TRIO: variants seen among roughly 807,000 people sequenced by gnomAD.
TRIO encodes the protein triple functional domain protein.
In TRIO, 58 loss-of-function variants were observed where a neutral mutation model predicts 351.9. That is an observed-to-expected ratio of 0.16 (90% CI 0.13 to 0.21). The LOEUF (loss-of-function observed/expected upper bound fraction) is 0.21. Ranked by LOEUF, TRIO falls within the 10% of genes least tolerant of loss-of-function variation. The probability of loss-of-function intolerance (pLI) is 1.00; values close to 1 mark genes in which losing one functional copy is unlikely to be tolerated. For missense variants in TRIO, 3,201 were observed against 4,027.8 expected, an observed-to-expected ratio of 0.79 and a Z score of 5.56; for synonymous variants, 1,758 against 1,595.7, an observed-to-expected ratio of 1.10 and a Z score of -2.42.
In TRIO at chr5:14,443,498, T is replaced by C. The variant is rs557470303; in HGVS notation, c.5204-17521T>C. ...CACATTTTAAAAGGAAGAATGATTC[T>C]GGGTAATATCCAAGAAATAAATCCC... On this transcript the variant is annotated intron_variant, in intron 34 of 56. Coordinates refer to ENST00000344204, the MANE Select transcript of TRIO (RefSeq NM_007118.4). Among the ~76,000 whole-genome samples the C allele has an allele frequency of 5.3e-5, 8 of 152,366 alleles. No homozygotes were observed. In the South Asian group the frequency reaches 1.2e-3, roughly 24 times the overall value.
intron 1 of TRIO, among the ~76,000 whole-genome samples, chr5:14,242,824 T>C (rs1190829438): frequency 6.6e-6 from 1 of 152,228 alleles, no homozygotes; most frequent in Non-Finnish European, 1.5e-5. Context: ...ATTTGATTGC[T>C]CCAAGTCAGC....
At chr5:14,371,671 T>C (rs1039868071) in intron 18 of TRIO, among the ~76,000 whole-genome samples, 12 of 151,892 alleles carry the variant, frequency 7.9e-5, no homozygotes, top group African/African-American at 2.9e-4. Context: ...GACAGGGTCT[T>C]GCCTTGTCAA....
At chr5:14,174,430 T>C (rs1789286870) in intron 1 of TRIO, among the ~76,000 whole-genome samples, 1 of 152,090 alleles carries the variant, frequency 6.6e-6, no homozygotes, top group South Asian at 2.1e-4. Context: ...TCCCTAGGGG[T>C]CGGCTTTATG....
chr5:14,198,364 C>A (rs115493359), intron 1 of TRIO, among the ~76,000 whole-genome samples: 1 of 152,138 alleles, frequency 6.6e-6, no homozygotes, highest in African/African-American at 2.4e-5. Flanking sequence ...CCCTTGTGCC[C>A]TGCTCTCTGC....
chr5:14,199,207 A>AAAC (rs1404916746), intron 1 of TRIO, among the ~76,000 whole-genome samples: 3 of 151,138 alleles, frequency 2.0e-5, no homozygotes, highest in Admixed American at 2.0e-4. Context: ...AAAAAAAAAA[A>AAAC]AAAAAAAAAA....
rs1278974430 is a variant in TRIO, at chr5:14,143,482, C to T, written c.-244C>T. ...CGCGCTCCGGCCGGCGCCCGGGAGG[C>T]CGTGGCTCCGCGCCTCCGCCCCTCG... is the stretch of plus-strand genomic sequence containing the variant. On this transcript the variant is annotated 5_prime_UTR_variant, in exon 1 of 57. Transcript: ENST00000344204. Among the ~76,000 whole-genome samples, 1 of 148,162 alleles carries T rather than the reference C, an allele frequency of 6.7e-6. No individual in the cohort carries two copies. The highest frequency in any genetic ancestry group is 1.5e-5 in the Non-Finnish European group (1 of 66,560).
chr5:14,220,612 CA>C (rs1230125496), intron 1 of TRIO, among the ~76,000 whole-genome samples: 1 of 152,068 alleles, frequency 6.6e-6, no homozygotes. Context: ...AGTGAACACA[CA>C]AATGATAAGA....
At chr5:14,498,006 C>A in intron 51 of TRIO, 83 bp from the exon 52 acceptor site, 1 of 1,610,578 alleles carries the variant, frequency 6.2e-7, no homozygotes, top group Non-Finnish European at 8.5e-7. Flanking sequence ...AGGTTAGGTC[C>A]TATCAATCTG....
chr5:14,172,096 A>G (rs1347882729), intron 1 of TRIO, among the ~76,000 whole-genome samples: 2 of 152,146 alleles, frequency 1.3e-5, no homozygotes, highest in African/African-American at 2.4e-5. Context: ...CTCTCTTTCT[A>G]TCTTTTATAT....
intron 48 of TRIO, chr5:14,490,905 A>T (rs1025399022): frequency 4.0e-5 from 18 of 454,436 alleles, no homozygotes; most frequent in African/African-American, 3.2e-4. Flanking sequence ...AGAATACTAA[A>T]GTCCATGCTA....
intron 9 of TRIO, among the ~76,000 whole-genome samples, chr5:14,329,824 C>T (rs1740744541): frequency 1.3e-5 from 2 of 152,210 alleles, no homozygotes; most frequent in Non-Finnish European, 2.9e-5. Context: ...AGTTGTCCCT[C>T]AGTGTCTGCA....
intron 1 of TRIO, among the ~76,000 whole-genome samples, chr5:14,183,063 G>A (rs1789891980): frequency 6.6e-6 from 1 of 152,190 alleles, no homozygotes; most frequent in South Asian, 2.1e-4. Flanking sequence ...CTAGGATGGG[G>A]CCAGCTGCTC....
In TRIO at chr5:14,291,158, T is replaced by A; in HGVS notation, c.983T>A (p.Met328Lys). ...LHSTRQHLHQ[M>K]WHVRKLKLDQ... Reference sequence around the variant, plus strand: ...TCGACACGGCAGCATCTGCACCAGATGTGGCATGTGAGGAAGCTGAAGCTG... The same window carrying A: ...TCGACACGGCAGCATCTGCACCAGAAGTGGCATGTGAGGAAGCTGAAGCTG... Residue 328 changes from methionine to lysine, a missense_variant, in exon 5 of 57, where the codon ATG becomes AAG. By Grantham distance (95) the Met-to-Lys change is moderately conservative. Coordinates refer to ENST00000344204, the MANE Select transcript of TRIO (RefSeq NM_007118.4). 6.2e-7 allele frequency: 1 copy of A among 1,614,152 alleles called. No individual in the cohort carries two copies. Among genetic ancestry groups the A allele is most frequent in the Non-Finnish European group, 8.5e-7 (1 of 1,180,010 alleles).
intron 9 of TRIO, among the ~76,000 whole-genome samples, chr5:14,324,300 A>G (rs747993301): frequency 2.8e-4 from 42 of 152,244 alleles, no homozygotes; most frequent in Non-Finnish European, 5.0e-4. Context: ...TAAATGGATT[A>G]TAGAATCAGA....
At chr5:14,504,739 C>T in intron 55 of TRIO, 146 bp downstream of exon 55, 1 of 1,026,924 alleles carries the variant, frequency 9.7e-7, no homozygotes, top group Non-Finnish European at 1.4e-6. Context: ...TCAGAGCCCG[C>T]AGTTTTCAAG....
intron 1 of TRIO, among the ~76,000 whole-genome samples, chr5:14,167,178 G>A (rs1008644698): frequency 4.0e-5 from 6 of 151,186 alleles, no homozygotes; most frequent in African/African-American, 9.8e-5. Flanking sequence ...TTTCTATTAT[G>A]TGTTAATGAG....
At chr5:14,354,277 T>C (rs1743410843) in intron 11 of TRIO, among the ~76,000 whole-genome samples, 1 of 152,270 alleles carries the variant, frequency 6.6e-6, no homozygotes, top group Non-Finnish European at 1.5e-5. Flanking sequence ...TCTGTTTTGC[T>C]GATTTTGCTG....
chr5:14,147,789 G>C (rs1030173662), intron 1 of TRIO, among the ~76,000 whole-genome samples: 1 of 152,262 alleles, frequency 6.6e-6, no homozygotes, highest in East Asian at 1.9e-4. Flanking sequence ...GGCCTGGGGC[G>C]GGCTGTGCTA....
chr5:14,362,710 C>T (rs1461220640), intron 13 of TRIO, among the ~76,000 whole-genome samples: 2 of 152,192 alleles, frequency 1.3e-5, no homozygotes, highest in African/African-American at 2.4e-5. Context: ...CGTAGTTCCC[C>T]ATGCGAAGGC....
Sources: gnomAD v4.1 joint callset for allele counts (sites outside exome capture counted in the v4.1 genomes callset) on GRCh38, gnomAD v4.1.1 for gene constraint, MANE v1.5 for transcripts, NCBI Gene and HGNC (gene_info 2026-07-23, HGNC 2026-07-21) for gene names.